The following PHACTR1 variants were observed in gnomAD, a reference collection of about 807,000 sequenced individuals.
PHACTR1 encodes phosphatase and actin regulator 1.
In PHACTR1, 16 loss-of-function variants were observed where a neutral mutation model predicts 69.2. That is an observed-to-expected ratio of 0.23 (90% CI 0.16 to 0.35). PHACTR1 has a LOEUF of 0.35. PHACTR1 is among the 10% of genes least tolerant of loss of function. The pLI, the probability that PHACTR1 is intolerant of heterozygous loss-of-function variation, is 1.00. For missense variants in PHACTR1, 510 were observed against 734.7 expected, an observed-to-expected ratio of 0.69 and a Z score of 3.54; for synonymous variants, 312 against 284.5, an observed-to-expected ratio of 1.10 and a Z score of -0.97.
intron 4 of PHACTR1, among the ~76,000 whole-genome samples, chr6:12,853,177 T>C (rs1234845896): frequency 2.6e-5 from 4 of 152,212 alleles, no homozygotes; most frequent in Non-Finnish European, 5.9e-5. Flanking sequence ...GTAAAATGTA[T>C]AAAATTGGAT....
At chr6:12,907,166 A>G (rs1366397053) in intron 4 of PHACTR1, among the ~76,000 whole-genome samples, 2 of 152,242 alleles carry the variant, frequency 1.3e-5, no homozygotes, top group African/African-American at 4.8e-5. Flanking sequence ...TTCAATGAAC[A>G]ATTGGCTTTT....
intron 8 of PHACTR1, among the ~76,000 whole-genome samples, chr6:13,208,672 A>C (rs994215085): frequency 7.2e-6 from 1 of 139,850 alleles, no homozygotes; most frequent in African/African-American, 2.7e-5. Context: ...CTAAGTTTTC[A>C]TATCTCTCAT....
chr6:13,073,868 C>G (rs1257547728), intron 5 of PHACTR1, among the ~76,000 whole-genome samples: 1 of 150,172 alleles, frequency 6.7e-6, no homozygotes, highest in Non-Finnish European at 1.5e-5. Flanking sequence ...TTCATATTTT[C>G]TTTTTCTTTT....
chr6:12,867,022 A>C (rs1781530864), intron 4 of PHACTR1, among the ~76,000 whole-genome samples: 1 of 152,158 alleles, frequency 6.6e-6, no homozygotes, highest in Non-Finnish European at 1.5e-5. Flanking sequence ...AATAGTTTGG[A>C]ACCTGTAGTG....
chr6:12,814,404 C>T (rs1775350080), intron 4 of PHACTR1, among the ~76,000 whole-genome samples: 1 of 152,206 alleles, frequency 6.6e-6, no homozygotes, highest in Non-Finnish European at 1.5e-5. Context: ...GTGTGCCTGG[C>T]ACAGAATAGA....
intron 4 of PHACTR1, among the ~76,000 whole-genome samples, chr6:12,753,596 G>A (rs1207130056): frequency 3.9e-5 from 6 of 152,098 alleles, no homozygotes; most frequent in Non-Finnish European, 8.8e-5. Flanking sequence ...GCTTTGTATG[G>A]GGGAGAATTT....
intron 4 of PHACTR1, among the ~76,000 whole-genome samples, chr6:12,768,862 A>ACACACAC (rs1561864874): frequency 2.1e-5 from 3 of 141,496 alleles, no homozygotes; most frequent in Admixed American, 7.2e-5. Context: ...ACACACACAC[A>ACACACAC]ATGGAATACT....
chr6:12,861,694 T>C (rs1258457337), intron 4 of PHACTR1, among the ~76,000 whole-genome samples: 2 of 152,206 alleles, frequency 1.3e-5, no homozygotes. Context: ...GTTCTTTTCT[T>C]TAGACTGCAA....
chr6:12,843,327 G>A (rs1778885312), intron 4 of PHACTR1, among the ~76,000 whole-genome samples: 1 of 152,182 alleles, frequency 6.6e-6, no homozygotes, highest in African/African-American at 2.4e-5. Context: ...CCATTTCAGT[G>A]ACAATTTTAT....
At chr6:12,797,726 C>G (rs1168494450) in intron 4 of PHACTR1, among the ~76,000 whole-genome samples, 1 of 152,266 alleles carries the variant, frequency 6.6e-6, no homozygotes, top group East Asian at 1.9e-4. Flanking sequence ...ACTCCAGCCA[C>G]ACTGTCCTTT....
intron 4 of PHACTR1, 72 bp downstream of exon 4, chr6:12,749,862 C>T (rs2127595968): frequency 2.2e-6 from 3 of 1,383,838 alleles, no homozygotes; most frequent in Middle Eastern, 2.6e-4. Context: ...GAGCCCCCGC[C>T]CCTCCCGGGC....
intron 4 of PHACTR1, among the ~76,000 whole-genome samples, chr6:12,795,297 C>T (rs567953561): frequency 1.3e-5 from 2 of 152,262 alleles, no homozygotes; most frequent in East Asian, 3.9e-4. Context: ...AGGTAAACTA[C>T]TCTTGGCAAT....
Position 13,230,997 on chromosome 6 carries a change from CAG to C in PHACTR1, c.1391+822_1391+823del, listed in dbSNP as rs36074569. Among the ~76,000 whole-genome samples, 67 of 113,240 alleles carry C rather than the reference CAG, an allele frequency of 5.9e-4. 1 individual carries two copies. Among genetic ancestry groups the C allele is most frequent in the African/African-American group, 6.9e-4 (20 of 28,988 alleles). 74.3% of individuals were successfully genotyped at this position (113,240 alleles called of 152,430 possible). ...TGCCACTGCACTCCAGCCCAGGTGA[CAG>C]AGAGAGAGAGAGAGAGAAGGAAAGA... On this transcript the variant is annotated intron_variant, in intron 10 of 14. Coordinates refer to ENST00000332995, the MANE Select transcript of PHACTR1 (RefSeq NM_030948.6).
At chr6:13,077,625 C>A (rs903296960) in intron 5 of PHACTR1, among the ~76,000 whole-genome samples, 13 of 152,108 alleles carry the variant, frequency 8.5e-5, no homozygotes, top group African/African-American at 2.4e-5. Flanking sequence ...CCACTGGAGG[C>A]TTTTGAGCAA....
At chr6:13,133,134 C>G (rs867790324) in intron 5 of PHACTR1, among the ~76,000 whole-genome samples, 3 of 151,754 alleles carry the variant, frequency 2.0e-5, no homozygotes, top group Admixed American at 2.0e-4. Context: ...TTTGCTCCCC[C>G]GTAAGAAATC....
Position 12,775,869 on chromosome 6 carries a change from A to G in PHACTR1, c.250+26079A>G, listed in dbSNP as rs577801107. 4.6e-5 allele frequency among the ~76,000 whole-genome samples: 7 copies of G among 152,328 alleles called. 1 individual carries two copies. The East Asian group carries it at 1.3e-3, about 29-fold the overall frequency. Reference sequence around the variant, plus strand: ...TGATTCTATGGATGAGAAACCATTCATTAATTATATACATAAATTAATAAA... The same window carrying G: ...TGATTCTATGGATGAGAAACCATTCGTTAATTATATACATAAATTAATAAA... On this transcript the variant is annotated intron_variant, in intron 4 of 14. Coordinates refer to ENST00000332995, the MANE Select transcript of PHACTR1 (RefSeq NM_030948.6).
rs535018137 is a variant in PHACTR1, at chr6:12,718,662, G to C, written c.-46-37G>C. 18 of 602,366 alleles carry C rather than the reference G, an allele frequency of 3.0e-5. No individual in the cohort carries two copies. The African/African-American group carries it at 3.3e-4, about 11-fold the overall frequency. 37.3% of individuals were successfully genotyped at this position (602,366 alleles called of 1,614,324 possible). A position where few individuals can be genotyped will look rare whatever the true frequency, so the allele number is the denominator to read the frequency against. On this transcript the variant is annotated intron_variant, in intron 2 of 14. Coordinates refer to ENST00000332995, the MANE Select transcript of PHACTR1 (RefSeq NM_030948.6). ...TCTATATATACACTTTATACTTGAC[G>C]TCTAAAATATTGTGGATTTTTTTTT...
intron 8 of PHACTR1, among the ~76,000 whole-genome samples, chr6:13,213,612 T>C (rs1419813100): frequency 6.6e-6 from 1 of 152,224 alleles, no homozygotes; most frequent in East Asian, 1.9e-4. Flanking sequence ...TATTAACAAG[T>C]GGGGCTTTGA....
intron 4 of PHACTR1, chr6:12,957,816 G>C (rs1792091790): frequency 4.1e-6 from 4 of 985,438 alleles, no homozygotes; most frequent in Non-Finnish European, 4.8e-6. Flanking sequence ...TCCCACGTGG[G>C]AGCTGGTCAG....
Sources: gnomAD v4.1 joint callset for allele counts (sites outside exome capture counted in the v4.1 genomes callset) on GRCh38, gnomAD v4.1.1 for gene constraint, MANE v1.5 for transcripts, NCBI Gene and HGNC (gene_info 2026-07-23, HGNC 2026-07-21) for gene names.